The following ADGRL3 variants were observed in gnomAD, a reference collection of about 807,000 sequenced individuals.
The protein encoded by ADGRL3 is adhesion G protein-coupled receptor L3, also known as calcium-independent alpha-latrotoxin receptor 3.
In ADGRL3, 62 loss-of-function variants were observed where a neutral mutation model predicts 153.5. The ratio of observed to expected loss-of-function variants is 0.40; its 90% CI spans 0.33 to 0.50. The LOEUF (loss-of-function observed/expected upper bound fraction) is 0.50, where lower values mean the gene tolerates loss of function less well. Ranked by LOEUF, ADGRL3 falls within the 20% of genes least tolerant of loss-of-function variation. ADGRL3 has a pLI of 0.47. For synonymous variants in ADGRL3, 710 were observed against 672.5 expected, an observed-to-expected ratio of 1.06 and a Z score of -0.86; for missense variants, 1,641 against 1,859.4, an observed-to-expected ratio of 0.88 and a Z score of 2.16.
chr4:61,740,889 G>C (rs554711581), intron 8 of ADGRL3, among the ~76,000 whole-genome samples: 1 of 152,236 alleles, frequency 6.6e-6, no homozygotes, highest in East Asian at 1.9e-4. Context: ...TCTTATGTAC[G>C]CTAAAGATGG....
rs1022186491 is a variant in ADGRL3 at position 61,200,948 on chromosome 4, C to T, written c.-1057C>T. On this transcript the variant is annotated 5_prime_UTR_variant, in exon 1 of 27. Coordinates refer to ENST00000683033, the MANE Select transcript of ADGRL3 (RefSeq NM_001387552.1). Reference sequence around the variant, plus strand: ...CGGCCGGGCGCCCGCTCTGTCTGCGCGCCCCCTCCGTGCACCGGGGAAGGA... The same window carrying T: ...CGGCCGGGCGCCCGCTCTGTCTGCGTGCCCCCTCCGTGCACCGGGGAAGGA... Among the ~76,000 whole-genome samples, 3 of 152,084 alleles carry T rather than the reference C, an allele frequency of 2.0e-5. No homozygotes were observed. Among genetic ancestry groups the T allele is most frequent in the East Asian group, 2.0e-4 (1 of 5,116 alleles).
intron 2 of ADGRL3, among the ~76,000 whole-genome samples, chr4:61,477,318 T>C (rs2098076429): frequency 6.6e-6 from 1 of 152,108 alleles, no homozygotes; most frequent in Admixed American, 6.5e-5. Flanking sequence ...TATTAAGCTA[T>C]GGTAGCATTT....
intron 9 of ADGRL3, among the ~76,000 whole-genome samples, chr4:61,888,371 C>T (rs765363981): frequency 1.3e-5 from 2 of 152,332 alleles, no homozygotes; most frequent in Non-Finnish European, 1.5e-5. Context: ...GAAAAAGTGT[C>T]ATATCGCCTC....
At chr4:61,471,179 G>A (rs950097525) in intron 2 of ADGRL3, among the ~76,000 whole-genome samples, 1 of 151,498 alleles carries the variant, frequency 6.6e-6, no homozygotes, top group African/African-American at 2.4e-5. Flanking sequence ...GTATTTACTT[G>A]TTTACTCTCT....
intron 2 of ADGRL3, 31 bp from the exon 3 acceptor site, chr4:61,497,090 A>G (rs1401884348): frequency 9.3e-6 from 5 of 538,804 alleles, no homozygotes; most frequent in South Asian, 7.6e-5. Context: ...CTTATTTTAT[A>G]CAATAACCCT....
rs11945414 is a variant in ADGRL3 at position 61,423,505 on chromosome 4, A to G, written c.-174+40316A>G. On this transcript the variant is annotated intron_variant, in intron 2 of 26. Coordinates refer to ENST00000683033, the MANE Select transcript of ADGRL3 (RefSeq NM_001387552.1). ...AATCTGGACTTTATGCTACATCAACATGATGTCATCTGAGCCTTGATGAAG... is the reference window on the plus strand; with the variant it reads ...AATCTGGACTTTATGCTACATCAACGTGATGTCATCTGAGCCTTGATGAAG... Among the ~76,000 whole-genome samples, 1,244 of 152,326 alleles carry G rather than the reference A, an allele frequency of 8.2e-3. 25 individuals carry two copies. Among genetic ancestry groups the G allele is most frequent in the African/African-American group, 0.028 (1,168 of 41,574 alleles).
chr4:61,231,728 G>T (rs984620060), intron 1 of ADGRL3, among the ~76,000 whole-genome samples: 14 of 151,986 alleles, frequency 9.2e-5, no homozygotes, highest in African/African-American at 3.4e-4. Flanking sequence ...AAGACGTCGA[G>T]GGGTGGTATC....
intron 23 of ADGRL3, among the ~76,000 whole-genome samples, chr4:62,032,753 CAT>C (rs563248083): frequency 1.5e-3 from 220 of 151,402 alleles, no homozygotes; most frequent in African/African-American, 5.2e-3. Context: ...GATGGACAAA[CAT>C]AAAAGAAAAC....
chr4:61,901,579 C>T (rs2098664778), intron 11 of ADGRL3, among the ~76,000 whole-genome samples: 1 of 152,056 alleles, frequency 6.6e-6, no homozygotes, highest in Non-Finnish European at 1.5e-5. Context: ...TGCTTATATA[C>T]CCACCTGACT....
chr4:61,256,080 G>A (rs1483726575), intron 1 of ADGRL3, among the ~76,000 whole-genome samples: 1 of 152,076 alleles, frequency 6.6e-6, no homozygotes, highest in African/African-American at 2.4e-5. Context: ...GGGTCCAGGG[G>A]ACTGAAACAC....
chr4:61,572,694 T>G (rs2149157805), intron 4 of ADGRL3, among the ~76,000 whole-genome samples: 1 of 152,156 alleles, frequency 6.6e-6, no homozygotes. Flanking sequence ...ATAAATTAAA[T>G]AATATACCAG....
chr4:61,728,373 C>T (rs773580494), intron 6 of ADGRL3, among the ~76,000 whole-genome samples: 7 of 151,934 alleles, frequency 4.6e-5, no homozygotes, highest in Non-Finnish European at 8.8e-5. Flanking sequence ...CAAAATTTTA[C>T]CAAATGGCAG....
intron 1 of ADGRL3, among the ~76,000 whole-genome samples, chr4:61,381,570 G>T (rs1159805265): frequency 2.6e-5 from 4 of 151,860 alleles, no homozygotes; most frequent in Non-Finnish European, 5.9e-5. Flanking sequence ...TAGTATCAGG[G>T]AGAACTTTGT....
chr4:61,414,644 G>A (rs1018487646), intron 2 of ADGRL3, among the ~76,000 whole-genome samples: 2 of 151,752 alleles, frequency 1.3e-5, no homozygotes, highest in African/African-American at 4.8e-5. Context: ...GGAGGAGACA[G>A]AGACAGTCAA....
chr4:61,821,027 C>T (rs922041929), intron 9 of ADGRL3, among the ~76,000 whole-genome samples: 1 of 152,086 alleles, frequency 6.6e-6, no homozygotes, highest in African/African-American at 2.4e-5. Context: ...AGTTGGGACA[C>T]ATCCTTCAGT....
intron 6 of ADGRL3, among the ~76,000 whole-genome samples, chr4:61,717,223 T>C (rs902552265): frequency 1.3e-5 from 2 of 150,398 alleles, no homozygotes; most frequent in Non-Finnish European, 3.0e-5. Flanking sequence ...TGTGTGTGCG[T>C]GTGTGTGTGT....
chr4:61,847,986 T>A (rs1249419203), intron 9 of ADGRL3, among the ~76,000 whole-genome samples: 1 of 10,884 alleles, frequency 9.2e-5, no homozygotes, highest in Non-Finnish European at 1.4e-4. Context: ...ATAAAATATA[T>A]TATATATATA....
chr4:61,404,477 TA>T (rs35519607), intron 2 of ADGRL3, among the ~76,000 whole-genome samples: 1 of 152,018 alleles, frequency 6.6e-6, no homozygotes, highest in African/African-American at 2.4e-5. Context: ...CCATGGGCTA[TA>T]AAAAGTTACT....
chr4:61,497,572 G>A (rs188320392), intron 3 of ADGRL3, among the ~76,000 whole-genome samples: 1 of 144,892 alleles, frequency 6.9e-6, no homozygotes, highest in African/African-American at 2.5e-5. Context: ...CTCGAGTGCG[G>A]TGGCACGATC....
Sources: allele counts gnomAD v4.1 joint callset (sites outside exome capture counted in the v4.1 genomes callset), GRCh38; gene constraint gnomAD v4.1.1; transcripts MANE v1.5; gene names NCBI Gene and HGNC (gene_info 2026-07-23, HGNC 2026-07-21).